UNC5C: variants seen among roughly 807,000 people sequenced by gnomAD.
The protein encoded by UNC5C is unc-5 netrin receptor C, also known as netrin receptor UNC5C.
Under a neutral mutation model 99.8 loss-of-function variants are expected in UNC5C, and 47 were observed. The ratio of observed to expected loss-of-function variants is 0.47; its 90% CI spans 0.37 to 0.60. UNC5C has a LOEUF of 0.60. Among genes scored for constraint, UNC5C ranks in the 20% least tolerant of loss-of-function variants. UNC5C has a pLI of 0.00. For synonymous variants in UNC5C, 487 were observed against 452.2 expected (o/e 1.08, Z -0.98); for missense variants, 1,062 against 1,165.9 (o/e 0.91, Z 1.30).
chr4:95,231,121 G>A (rs1403700139), intron 7 of UNC5C, among the ~76,000 whole-genome samples: 1 of 151,972 alleles, frequency 6.6e-6, no homozygotes, highest in Non-Finnish European at 1.5e-5. Flanking sequence ...TACTTTTTAT[G>A]CCCTCTAAAG....
At chr4:95,213,531 G>A (rs180685018) in intron 10 of UNC5C, among the ~76,000 whole-genome samples, 26 of 152,200 alleles carry the variant, frequency 1.7e-4, no homozygotes, top group African/African-American at 5.1e-4. Context: ...CTGCACTTTC[G>A]CTTAGAGCAT....
intron 1 of UNC5C, among the ~76,000 whole-genome samples, chr4:95,464,156 C>A (rs755148498): frequency 4.6e-4 from 70 of 152,078 alleles, no homozygotes; most frequent in South Asian, 6.2e-4. Flanking sequence ...TTTTCTTGAT[C>A]CAATAAAATC....
At chr4:95,266,940 C>T (rs1408381715) in intron 4 of UNC5C, among the ~76,000 whole-genome samples, 3 of 152,152 alleles carry the variant, frequency 2.0e-5, no homozygotes, top group Non-Finnish European at 4.4e-5. Context: ...CTTCCATTCA[C>T]TCCCCTCTCA....
intron 1 of UNC5C, among the ~76,000 whole-genome samples, chr4:95,502,203 GC>G (rs1402183676): frequency 6.6e-6 from 1 of 152,030 alleles, no homozygotes; most frequent in Non-Finnish European, 1.5e-5. Context: ...ATTATGACTG[GC>G]CCCCAATCAC....
chr4:95,258,746 C>CTTTTTTTTTTT (rs775570031), intron 4 of UNC5C, among the ~76,000 whole-genome samples: 14 of 76,044 alleles, frequency 1.8e-4, no homozygotes, highest in East Asian at 1.1e-3. Context: ...CCATCTTATT[C>CTTTTTTTTTTT]TTTTTTTTTT....
chr4:95,242,306 T>G, intron 7 of UNC5C, 123 bp downstream of exon 7: 1 of 1,346,534 alleles, frequency 7.4e-7, no homozygotes, highest in East Asian at 2.6e-5. Context: ...GCTAGAATAT[T>G]GCTATGTTAT....
At chr4:95,500,225 T>C (rs1721742999) in intron 1 of UNC5C, among the ~76,000 whole-genome samples, 1 of 152,096 alleles carries the variant, frequency 6.6e-6, no homozygotes, top group African/African-American at 2.4e-5. Context: ...CTTAGCACCT[T>C]ATCATGCCAC....
At chr4:95,399,605 C>T (rs1396986140) in intron 1 of UNC5C, among the ~76,000 whole-genome samples, 1 of 152,160 alleles carries the variant, frequency 6.6e-6, no homozygotes, top group African/African-American at 2.4e-5. Flanking sequence ...CTCCGAAAGA[C>T]CTAATTGTTC....
intron 1 of UNC5C, among the ~76,000 whole-genome samples, chr4:95,539,816 GTATC>G (rs1370905349): frequency 6.6e-6 from 1 of 151,802 alleles, no homozygotes; most frequent in Non-Finnish European, 1.5e-5. Flanking sequence ...AATGGCATGT[GTATC>G]TTTCATGTGA....
At chr4:95,486,499 C>T (rs1721333623) in intron 1 of UNC5C, among the ~76,000 whole-genome samples, 1 of 151,542 alleles carries the variant, frequency 6.6e-6, no homozygotes, top group Non-Finnish European at 1.5e-5. Context: ...CACTGGTTTC[C>T]CAAGTATATG....
chr4:95,519,301 G>A (rs1722292569), intron 1 of UNC5C, among the ~76,000 whole-genome samples: 1 of 152,048 alleles, frequency 6.6e-6, no homozygotes, highest in Admixed American at 6.6e-5. Flanking sequence ...AGACCCCAGA[G>A]GAATAAGAAT....
chr4:95,338,948 C>T (rs1459016013), intron 1 of UNC5C, among the ~76,000 whole-genome samples: 3 of 152,016 alleles, frequency 2.0e-5, no homozygotes, highest in East Asian at 1.9e-4. Flanking sequence ...GACAGCAGAA[C>T]ATTAAACCAA....
intron 1 of UNC5C, among the ~76,000 whole-genome samples, chr4:95,482,430 C>T (rs1183874957): frequency 6.6e-6 from 1 of 150,872 alleles, no homozygotes; most frequent in Non-Finnish European, 1.5e-5. Flanking sequence ...ACTAGTTCAA[C>T]CATTGTGGAA....
chr4:95,501,693 G>A (rs562179445), intron 1 of UNC5C, among the ~76,000 whole-genome samples: 96 of 152,156 alleles, frequency 6.3e-4, no homozygotes, highest in Non-Finnish European at 1.2e-4. Context: ...GTATTATAAA[G>A]GCAAATCAGA....
chr4:95,541,641 A>G (rs1246889165), intron 1 of UNC5C, among the ~76,000 whole-genome samples: 1 of 151,898 alleles, frequency 6.6e-6, no homozygotes, highest in Non-Finnish European at 1.5e-5. Flanking sequence ...TATATTTTAT[A>G]TTATTATATA....
intron 1 of UNC5C, among the ~76,000 whole-genome samples, chr4:95,350,638 A>T (rs1210175555): frequency 2.0e-5 from 3 of 152,202 alleles, no homozygotes; most frequent in Admixed American, 2.0e-4. Flanking sequence ...ACAGACAAAT[A>T]GGACAACTTA....
intron 1 of UNC5C, among the ~76,000 whole-genome samples, chr4:95,529,213 AT>A (rs1348026613): frequency 2.0e-5 from 3 of 150,492 alleles, no homozygotes; most frequent in Non-Finnish European, 4.4e-5. Flanking sequence ...AGCTGTACTG[AT>A]TTTTTTCCTC....
chr4:95,333,225 A>G (rs1743193394), intron 2 of UNC5C, among the ~76,000 whole-genome samples: 1 of 152,168 alleles, frequency 6.6e-6, no homozygotes, highest in African/African-American at 2.4e-5. Context: ...TACTGGGTAT[A>G]TACCCAAAGG....
At chr4:95,352,240 A>T (rs1365782307) in intron 1 of UNC5C, among the ~76,000 whole-genome samples, 2 of 152,140 alleles carry the variant, frequency 1.3e-5, no homozygotes, top group Non-Finnish European at 2.9e-5. Flanking sequence ...TCTCATTTTC[A>T]AGGCCATGCT....
Sources: gnomAD v4.1 joint callset for allele counts (sites outside exome capture counted in the v4.1 genomes callset) on GRCh38, gnomAD v4.1.1 for gene constraint, MANE v1.5 for transcripts, NCBI Gene and HGNC (gene_info 2026-07-23, HGNC 2026-07-21) for gene names.